Variants in COP1 observed in about 807,000 individuals in gnomAD.
COP1 encodes COP1 E3 ubiquitin ligase.
A neutral mutation model predicts 101.3 loss-of-function variants in COP1; 24 were observed. The ratio of observed to expected loss-of-function variants is 0.24; its 90% CI spans 0.17 to 0.33. The LOEUF (loss-of-function observed/expected upper bound fraction) is 0.33. Ranked by LOEUF, COP1 falls within the 10% of genes least tolerant of loss-of-function variation. COP1 has a pLI of 1.00. For synonymous variants in COP1, 347 were observed against 341.9 expected, an observed-to-expected ratio of 1.01 and a Z score of -0.17; for missense variants, 663 against 906.2, an observed-to-expected ratio of 0.73 and a Z score of 3.45.
At chr1:176,206,408 AGCTCGAATGCCTGCAAAC>A in intron 1 of COP1, 146 bp downstream of exon 1, 3 of 697,862 alleles carry the variant, frequency 4.3e-6, no homozygotes, top group African/African-American at 1.8e-5. Flanking sequence ...ACCAACCAGG[AGCTCGAATGCCTGCAAAC>A]GCTCGATTCC....
chr1:176,019,460 C>G (rs1157418418), intron 15 of COP1, among the ~76,000 whole-genome samples: 1 of 119,788 alleles, frequency 8.3e-6, no homozygotes, highest in Non-Finnish European at 1.7e-5. Context: ...AAGACTCCAT[C>G]TCAAATAATA....
chr1:175,999,596 T>C (rs566217396), intron 15 of COP1, among the ~76,000 whole-genome samples: 113 of 152,204 alleles, frequency 7.4e-4, no homozygotes, highest in African/African-American at 2.6e-3. Context: ...CTCTTTCATA[T>C]AGAAGTTGCC....
chr1:176,147,985 C>T (rs199859842), intron 6 of COP1, among the ~76,000 whole-genome samples: 2 of 152,106 alleles, frequency 1.3e-5, no homozygotes, highest in Admixed American at 6.5e-5. Flanking sequence ...CCACAAGCTC[C>T]GTAACAGGCA....
intron 11 of COP1, among the ~76,000 whole-genome samples, chr1:176,079,200 C>T (rs544047921): frequency 6.6e-6 from 1 of 152,184 alleles, no homozygotes; most frequent in South Asian, 2.1e-4. Context: ...ATGTTCACTG[C>T]AGAGCTATTC....
intron 8 of COP1, among the ~76,000 whole-genome samples, chr1:176,124,117 A>T (rs747937545): frequency 2.0e-5 from 3 of 152,026 alleles, no homozygotes; most frequent in Non-Finnish European, 2.9e-5. Context: ...TAATTTTTTT[A>T]AATTTTTAGT....
chr1:176,179,301 A>C (rs1697412750), intron 2 of COP1, among the ~76,000 whole-genome samples: 1 of 152,156 alleles, frequency 6.6e-6, no homozygotes, highest in Non-Finnish European at 1.5e-5. Context: ...AAAAAAAAAA[A>C]AATTACATAA....
chr1:176,058,130 TGGGGTGGGGGG>T (rs1254903951), intron 11 of COP1, among the ~76,000 whole-genome samples: 213 of 9,892 alleles, frequency 0.022, 8 homozygotes, highest in Non-Finnish European at 0.065. Context: ...GGGAGGGAGG[TGGGGTGGGGGG>T]GGGGTCAGCC....
chr1:176,136,384 C>T (rs1689800520), intron 7 of COP1, 104 bp downstream of exon 7: 2 of 631,328 alleles, frequency 3.2e-6, no homozygotes, highest in Admixed American at 3.1e-5. Flanking sequence ...TTACTTTCTT[C>T]CTAAGACCAA....
At chr1:176,001,544 T>C (rs1661602788) in intron 15 of COP1, among the ~76,000 whole-genome samples, 1 of 152,126 alleles carries the variant, frequency 6.6e-6, no homozygotes, top group African/African-American at 2.4e-5. Context: ...GTGGCAAAGT[T>C]ATCTCAGGGT....
chr1:176,091,973 G>A (rs1356484628), intron 9 of COP1, among the ~76,000 whole-genome samples: 2 of 152,020 alleles, frequency 1.3e-5, no homozygotes, highest in Non-Finnish European at 2.9e-5. Context: ...ATAGATTCAA[G>A]ATGAAAAACA....
chr1:175,981,066 T>G (rs967882291), intron 18 of COP1, among the ~76,000 whole-genome samples: 2 of 152,154 alleles, frequency 1.3e-5, no homozygotes, highest in African/African-American at 4.8e-5. Context: ...CTAACTCCAG[T>G]CTCTAGATAA....
At chr1:176,110,323 T>G (rs1324646941) in intron 9 of COP1, among the ~76,000 whole-genome samples, 1 of 152,244 alleles carries the variant, frequency 6.6e-6, no homozygotes, top group East Asian at 1.9e-4. Context: ...ATGTAGCCTC[T>G]GTTAAGTTCT....
chr1:176,174,902 C>T (rs1188538354), intron 3 of COP1, among the ~76,000 whole-genome samples: 1 of 152,072 alleles, frequency 6.6e-6, no homozygotes, highest in South Asian at 2.1e-4. Flanking sequence ...TTAAAGGTTT[C>T]CTAAAATATC....
chr1:176,041,617 T>A (rs997390114), intron 14 of COP1, among the ~76,000 whole-genome samples: 2 of 152,124 alleles, frequency 1.3e-5, no homozygotes, highest in Admixed American at 6.5e-5. Context: ...CCAAACAAAG[T>A]GCTGGGATTA....
At chr1:176,052,900 C>T (rs116605721) in intron 11 of COP1, among the ~76,000 whole-genome samples, 11 of 152,134 alleles carry the variant, frequency 7.2e-5, no homozygotes, top group Non-Finnish European at 7.4e-5. Flanking sequence ...ATGAGAGCAA[C>T]CTCATTTTTG....
chr1:175,982,416 C>A, intron 18 of COP1: 1 of 456,386 alleles, frequency 2.2e-6, no homozygotes, highest in Non-Finnish European at 4.4e-6. Flanking sequence ...AAAGACCAAC[C>A]CCACTTCTTT....
Position 176,039,806 on chromosome 1 carries a change from TA to T in COP1, c.1612+3379del, listed in dbSNP as rs374810476. 2.6e-3 allele frequency among the ~76,000 whole-genome samples: 399 copies of T among 152,146 alleles called. 3 individuals are homozygous for T. Among genetic ancestry groups the T allele is most frequent in the African/African-American group, 9.2e-3 (381 of 41,532 alleles). ...TTGACAAGGGTGCCAGACCATTCAA[TA>T]GGGAAAGGACAGTTTTTTCAACAAG... On this transcript the variant is annotated intron_variant, in intron 14 of 19. Transcript: ENST00000367669.
chr1:176,151,971 A>AT (rs1187970830), intron 5 of COP1, among the ~76,000 whole-genome samples: 4 of 144,004 alleles, frequency 2.8e-5, no homozygotes, highest in African/African-American at 1.0e-4. Flanking sequence ...TTTTTTTTGC[A>AT]TCAGACTTTC....
At chr1:175,998,759 C>T (rs531496908) in intron 15 of COP1, among the ~76,000 whole-genome samples, 14 of 152,118 alleles carry the variant, frequency 9.2e-5, no homozygotes, top group African/African-American at 3.4e-4. Context: ...TCTCTTCCCT[C>T]ATACACATTT....
Sources: allele counts gnomAD v4.1 joint callset (sites outside exome capture counted in the v4.1 genomes callset), GRCh38; gene constraint gnomAD v4.1.1; transcripts MANE v1.5; gene names NCBI Gene and HGNC (gene_info 2026-07-23, HGNC 2026-07-21).